PGM5: variants seen among roughly 807,000 people sequenced by gnomAD.
PGM5 encodes phosphoglucomutase-like protein 5.
Under a neutral mutation model 59.2 loss-of-function variants are expected in PGM5, and 23 were observed. That is an observed-to-expected ratio of 0.39 (90% confidence interval 0.28 to 0.55). The LOEUF is 0.55. Ranked by LOEUF, PGM5 falls within the 20% of genes least tolerant of loss-of-function variation. The probability of loss-of-function intolerance (pLI) is 0.66; values close to 1 mark genes in which losing one functional copy is unlikely to be tolerated. For missense variants in PGM5, 574 were observed against 748.3 expected (o/e 0.77, Z 2.72); for synonymous variants, 214 against 286.0 (o/e 0.75, Z 2.54).
intron 6 of PGM5, among the ~76,000 whole-genome samples, chr9:68,421,588 G>T (rs12003577): frequency 6.6e-6 from 1 of 151,892 alleles, no homozygotes. Flanking sequence ...ATGGTGGTGC[G>T]TGCCTGTAAT....
At chr9:68,510,524 A>G (rs1008222908) in intron 10 of PGM5, among the ~76,000 whole-genome samples, 28 of 152,162 alleles carry the variant, frequency 1.8e-4, no homozygotes, top group African/African-American at 6.5e-4. Context: ...ACTTAATATC[A>G]GTCAAATTGA....
At position 68,356,786 on chromosome 9, in the gene PGM5, G is replaced by A; in HGVS notation, c.-342G>A. On this transcript the variant is annotated 5_prime_UTR_variant, in exon 1 of 11. Coordinates refer to ENST00000396396, the MANE Select transcript of PGM5 (RefSeq NM_021965.4). ...AGGCGTCACCGGGGTCGGGCTAGCA[G>A]GCCCTGGAATCAGGCTTTTGGGACA... The A allele has an allele frequency of 4.2e-6, 1 of 238,358 alleles. No individual in the cohort carries two copies. Among genetic ancestry groups the A allele is most frequent in the Non-Finnish European group, 8.0e-6 (1 of 124,936 alleles). 14.8% of individuals were successfully genotyped at this position (238,358 alleles called of 1,614,324 possible).
chr9:68,466,952 T>C lies in PGM5; in HGVS notation c.1159+1744T>C, dbSNP rs117085923. ...CCCCAGAGGCAGAAGAGTTTTTACT[T>C]TTGCCCGTCTCTCAGAGACAATAGA... On this transcript the variant is annotated intron_variant, in intron 7 of 10. Transcript: ENST00000396396. 3.8e-4 allele frequency among the ~76,000 whole-genome samples: 58 copies of C among 152,248 alleles called. 1 individual carries two copies. The East Asian group carries it at 0.011, about 29-fold the overall frequency.
At position 68,521,214 on chromosome 9, in the gene PGM5, T is replaced by G. The variant is rs565787968; in HGVS notation, c.1615-8353T>G. On this transcript the variant is annotated intron_variant, in intron 10 of 10. Coordinates refer to ENST00000396396, the MANE Select transcript of PGM5 (RefSeq NM_021965.4). ...AATGAGAATAATACCACCTACCTCA[T>G]AGACTGTTTAGAGATTAATTCAATA... 3.3e-5 allele frequency among the ~76,000 whole-genome samples: 5 copies of G among 152,338 alleles called. No individual in the cohort carries two copies. The South Asian group carries it at 6.2e-4, about 19-fold the overall frequency.
At chr9:68,427,709 T>C (rs1236744369) in intron 6 of PGM5, among the ~76,000 whole-genome samples, 2 of 152,242 alleles carry the variant, frequency 1.3e-5, no homozygotes, top group Non-Finnish European at 2.9e-5. Context: ...GTAGAAAGTT[T>C]TCCTTGGCCT....
At chr9:68,458,832 GT>G (rs1823817062) in intron 6 of PGM5, among the ~76,000 whole-genome samples, 3 of 152,164 alleles carry the variant, frequency 2.0e-5, no homozygotes, top group Non-Finnish European at 4.4e-5. Context: ...GGGTTTAAGA[GT>G]AGATTTTAAG....
chr9:68,384,776 GAA>G (rs1156438614), intron 3 of PGM5, among the ~76,000 whole-genome samples: 4 of 148,978 alleles, frequency 2.7e-5, no homozygotes, highest in South Asian at 2.2e-4. Flanking sequence ...TTCAACATAG[GAA>G]AAGTTTTATG....
rs1554678990 is a variant in PGM5 at position 68,387,597 on chromosome 9, G to C, written c.697+9G>C. ...TGACGCAATGCACGGAGGTAAGCTT[G>C]TGATTTTCTCCAAATCAGTGGGCAG... On this transcript the variant is annotated intron_variant, in intron 4 of 10. Coordinates refer to ENST00000396396, the MANE Select transcript of PGM5 (RefSeq NM_021965.4). 1.2e-6 allele frequency: 2 copies of C among 1,611,364 alleles called. No individual in the cohort carries two copies. Among genetic ancestry groups the C allele is most frequent in the Middle Eastern group, 1.7e-4 (1 of 6,030 alleles).
intron 6 of PGM5, among the ~76,000 whole-genome samples, chr9:68,443,128 A>G (rs111539224): frequency 0.031 from 4,692 of 152,344 alleles, 93 homozygotes; most frequent in Non-Finnish European, 0.047. Context: ...GAAACAACTC[A>G]AAGTCCTTCA....
chr9:68,375,348 C>T lies in PGM5; in HGVS notation c.262-2851C>T, dbSNP rs763912837. ...CCATTTTGGAGGCTATTTACCACAG[C>T]CCCTCTCTTCAATATTCCAGTCCAC... is the stretch of plus-strand genomic sequence containing the variant. On this transcript the variant is annotated intron_variant, in intron 1 of 10. Coordinates refer to ENST00000396396, the MANE Select transcript of PGM5 (RefSeq NM_021965.4). 1.8e-4 allele frequency among the ~76,000 whole-genome samples: 28 copies of T among 152,212 alleles called. 1 individual carries two copies. In the South Asian group the frequency reaches 1.9e-3, roughly 10 times the overall value.
intron 6 of PGM5, among the ~76,000 whole-genome samples, chr9:68,426,403 G>A (rs1424135466): frequency 1.2e-4 from 19 of 152,002 alleles, no homozygotes; most frequent in African/African-American, 4.6e-4. Flanking sequence ...ACACATTTCT[G>A]ATCTTTGTTC....
chr9:68,529,480 T>C, intron 10 of PGM5, 87 bp from the exon 11 acceptor site: 1 of 898,480 alleles, frequency 1.1e-6, no homozygotes, highest in East Asian at 2.7e-5. Context: ...GGAATCTGAG[T>C]CCAGATGCTT....
intron 6 of PGM5, among the ~76,000 whole-genome samples, chr9:68,428,347 G>A (rs971681435): frequency 6.6e-6 from 1 of 152,236 alleles, no homozygotes; most frequent in East Asian, 1.9e-4. Flanking sequence ...GGATATTGGA[G>A]GCAATTTCAT....
At chr9:68,368,109 A>C (rs11536912) in intron 1 of PGM5, among the ~76,000 whole-genome samples, 4,853 of 150,262 alleles carry the variant, frequency 0.032, 108 homozygotes, top group East Asian at 0.13. Flanking sequence ...ATGTGTGCAT[A>C]TAGCCCCCCC....
At position 68,378,237 on chromosome 9, in the gene PGM5, G is replaced by A. The variant is rs150515274; in HGVS notation, c.300G>A (p.Ser100=). 5.6e-3 allele frequency: 8,674 copies of A among 1,561,640 alleles called. 396 individuals carry two copies. In the African/African-American group the frequency reaches 0.1, roughly 19 times the overall value. The change falls in exon 2 of 11, where the codon TCG becomes TCA. Residue 100 remains serine (S), a synonymous_variant. Coordinates refer to ENST00000396396, the MANE Select transcript of PGM5 (RefSeq NM_021965.4). ...RLIIGQNGIL[S]TPAVSCIIRK... The stretch of plus-strand genomic sequence containing the variant: ...TTATTGGACAGAATGGCATCTTGTC[G>A]ACACCTGCGGTCTCCTGCATTATCA...
At chr9:68,419,777 C>T (rs1468645991) in intron 6 of PGM5, among the ~76,000 whole-genome samples, 1 of 152,162 alleles carries the variant, frequency 6.6e-6, no homozygotes, top group African/African-American at 2.4e-5. Context: ...ACATCTAGGG[C>T]AGGATTTGTG....
At chr9:68,483,413 T>A (rs1182751651) in intron 8 of PGM5, among the ~76,000 whole-genome samples, 4 of 152,038 alleles carry the variant, frequency 2.6e-5, no homozygotes, top group African/African-American at 9.7e-5. Flanking sequence ...CAGAAGAATG[T>A]ACAAGGTAGA....
chr9:68,485,699 TG>T (rs1554687495), intron 9 of PGM5, among the ~76,000 whole-genome samples: 1 of 152,198 alleles, frequency 6.6e-6, no homozygotes, highest in Non-Finnish European at 1.5e-5. Context: ...TGAGCTCAAT[TG>T]TAGCTATAAA....
intron 10 of PGM5, among the ~76,000 whole-genome samples, chr9:68,521,832 G>T (rs1278355127): frequency 1.3e-5 from 2 of 152,196 alleles, no homozygotes; most frequent in African/African-American, 4.8e-5. Flanking sequence ...GTATTCAGCA[G>T]CACAGTGAAA....
Sources: gnomAD v4.1 joint callset for allele counts (sites outside exome capture counted in the v4.1 genomes callset) on GRCh38, gnomAD v4.1.1 for gene constraint, MANE v1.5 for transcripts, NCBI Gene and HGNC (gene_info 2026-07-23, HGNC 2026-07-21) for gene names.